Variants in PTPRD observed in about 807,000 individuals in gnomAD.
PTPRD encodes receptor-type tyrosine-protein phosphatase delta.
PTPRD carries 34 observed loss-of-function variants against 214.5 expected under a neutral mutation model. That is an observed-to-expected ratio of 0.16 (90% CI 0.12 to 0.21). The LOEUF is 0.21. Among genes scored for constraint, PTPRD ranks in the 10% least tolerant of loss-of-function variants. The pLI is 1.00. For missense variants in PTPRD, 2,545 were observed against 2,398.7 expected (o/e 1.06, Z -1.27); for synonymous variants, 1,128 against 845.7 (o/e 1.33, Z -5.79).
chr9:9,179,532 A>G (rs1318918502), intron 10 of PTPRD, among the ~76,000 whole-genome samples: 1 of 152,152 alleles, frequency 6.6e-6, no homozygotes, highest in Non-Finnish European at 1.5e-5. Flanking sequence ...ATTAAGCATC[A>G]ACAGTATTTT....
chr9:9,465,458 G>C (rs1182738933), intron 8 of PTPRD, among the ~76,000 whole-genome samples: 1 of 152,174 alleles, frequency 6.6e-6, no homozygotes, highest in East Asian at 1.9e-4. Context: ...CATTACTCAA[G>C]TGTAAGAATA....
intron 11 of PTPRD, among the ~76,000 whole-genome samples, chr9:8,987,513 C>T (rs958040609): frequency 6.6e-6 from 1 of 152,114 alleles, no homozygotes; most frequent in East Asian, 1.9e-4. Context: ...AAGAAAAGTG[C>T]TGTGTTCATG....
chr9:9,656,202 G>A (rs554900935), intron 7 of PTPRD, among the ~76,000 whole-genome samples: 3 of 152,268 alleles, frequency 2.0e-5, no homozygotes, highest in African/African-American at 7.2e-5. Flanking sequence ...CATTTTGGAA[G>A]ATAGTTTGAC....
chr9:9,542,288 A>C (rs1430964538), intron 8 of PTPRD, among the ~76,000 whole-genome samples: 1 of 151,770 alleles, frequency 6.6e-6, no homozygotes, highest in Non-Finnish European at 1.5e-5. Flanking sequence ...ATCTTAAAAA[A>C]TAAACATTGA....
chr9:8,348,561 C>T (rs1206878814), intron 39 of PTPRD, among the ~76,000 whole-genome samples: 1 of 151,968 alleles, frequency 6.6e-6, no homozygotes, highest in East Asian at 1.9e-4. Context: ...TAATTTTTGC[C>T]CCAAGTAATT....
chr9:8,734,776 G>T (rs535395513), intron 11 of PTPRD, among the ~76,000 whole-genome samples: 4 of 152,304 alleles, frequency 2.6e-5, no homozygotes, highest in Admixed American at 2.6e-4. Context: ...TACACCAGAT[G>T]ATTAGTACAA....
intron 2 of PTPRD, among the ~76,000 whole-genome samples, chr9:10,361,789 A>T (rs2097397942): frequency 6.6e-6 from 1 of 152,164 alleles, no homozygotes; most frequent in Non-Finnish European, 1.5e-5. Flanking sequence ...CATGATAAGG[A>T]ACCAAGGTAA....
chr9:9,443,609 G>C (rs1023659640), intron 8 of PTPRD, among the ~76,000 whole-genome samples: 1 of 152,162 alleles, frequency 6.6e-6, no homozygotes, highest in Non-Finnish European at 1.5e-5. Context: ...TTGTCAGAAA[G>C]ATCGCTTGGA....
intron 43 of PTPRD, among the ~76,000 whole-genome samples, chr9:8,336,695 C>G (rs975786742): frequency 1.3e-5 from 2 of 149,854 alleles, no homozygotes; most frequent in African/African-American, 4.9e-5. Flanking sequence ...GAAATTTTTG[C>G]TATCTATCCA....
chr9:10,125,325 A>C (rs1302056117), intron 3 of PTPRD, among the ~76,000 whole-genome samples: 2 of 151,754 alleles, frequency 1.3e-5, no homozygotes, highest in African/African-American at 4.8e-5. Flanking sequence ...GTTGTGAGGA[A>C]GAATGTGGTG....
At chr9:10,409,886 C>A (rs1006135509) in intron 2 of PTPRD, among the ~76,000 whole-genome samples, 1 of 151,660 alleles carries the variant, frequency 6.6e-6, no homozygotes, top group Non-Finnish European at 1.5e-5. Context: ...GATTTTCCAG[C>A]CCCATTCAAG....
At chr9:10,126,219 AC>A (rs779957625) in intron 3 of PTPRD, among the ~76,000 whole-genome samples, 1 of 151,782 alleles carries the variant, frequency 6.6e-6, no homozygotes, top group Non-Finnish European at 1.5e-5. Flanking sequence ...GATTTTCCTG[AC>A]CCCCTTCTCT....
intron 4 of PTPRD, among the ~76,000 whole-genome samples, chr9:9,997,798 A>G (rs935234778): frequency 1.3e-5 from 2 of 151,908 alleles, no homozygotes; most frequent in Non-Finnish European, 2.9e-5. Flanking sequence ...CATGGCCAAC[A>G]TGGCAATTCC....
At chr9:9,826,739 A>G (rs1428577887) in intron 5 of PTPRD, among the ~76,000 whole-genome samples, 1 of 152,082 alleles carries the variant, frequency 6.6e-6, no homozygotes, top group Non-Finnish European at 1.5e-5. Context: ...CTTCTTCATG[A>G]TTATGTATCT....
At chr9:8,854,081 GTA>G (rs1228137707) in intron 11 of PTPRD, among the ~76,000 whole-genome samples, 1 of 152,028 alleles carries the variant, frequency 6.6e-6, no homozygotes, top group Non-Finnish European at 1.5e-5. Flanking sequence ...TACAAATCCT[GTA>G]TATTTCGTGA....
chr9:9,112,756 A>G (rs995977950), intron 10 of PTPRD, among the ~76,000 whole-genome samples: 1 of 152,194 alleles, frequency 6.6e-6, no homozygotes, highest in East Asian at 1.9e-4. Context: ...GAGAGAAATT[A>G]TGGGAAATCA....
At chr9:10,310,695 G>C (rs1363567510) in intron 3 of PTPRD, among the ~76,000 whole-genome samples, 1 of 152,088 alleles carries the variant, frequency 6.6e-6, no homozygotes, top group Non-Finnish European at 1.5e-5. Context: ...AAACTCTATT[G>C]TCTCCTTTTG....
intron 9 of PTPRD, among the ~76,000 whole-genome samples, chr9:9,331,414 G>C (rs1365771250): frequency 2.0e-5 from 3 of 152,074 alleles, no homozygotes; most frequent in Non-Finnish European, 1.5e-5. Context: ...GCAGGACTAT[G>C]CATAGAGAGA....
At chr9:10,502,279 G>A (rs957813656) in intron 2 of PTPRD, among the ~76,000 whole-genome samples, 1 of 151,676 alleles carries the variant, frequency 6.6e-6, no homozygotes, top group Non-Finnish European at 1.5e-5. Flanking sequence ...TAGAGAAATT[G>A]TAACTATATA....
Sources: gnomAD v4.1 joint callset for allele counts (sites outside exome capture counted in the v4.1 genomes callset) on GRCh38, gnomAD v4.1.1 for gene constraint, MANE v1.5 for transcripts, NCBI Gene and HGNC (gene_info 2026-07-23, HGNC 2026-07-21) for gene names.